The following MIEF1 variants were observed in gnomAD, a reference collection of about 807,000 sequenced individuals.
MIEF1 encodes the protein mitochondrial elongation factor 1, also known as mitochondrial dynamics protein MIEF1.
Under a neutral mutation model 35.1 loss-of-function variants are expected in MIEF1, and 14 were observed. The observed-to-expected ratio is 0.40, with a 90% confidence interval of 0.26 to 0.62. The LOEUF (loss-of-function observed/expected upper bound fraction) is 0.62. Ranked by LOEUF, MIEF1 falls within the 20% of genes least tolerant of loss-of-function variation. The probability of loss-of-function intolerance (pLI) is 0.43; values close to 1 mark genes in which losing one functional copy is unlikely to be tolerated. For synonymous variants in MIEF1, 245 were observed against 254.3 expected (o/e 0.96, Z 0.35); for missense variants, 542 against 615.4 (o/e 0.88, Z 1.26).
rs970056387 is a variant in MIEF1, at chr22:39,504,253, C to T, written c.-289C>T. On this transcript the variant is annotated 5_prime_UTR_variant, in exon 2 of 6. Transcript: ENST00000325301. ...CCCATGGCCCCGTGGAGCCGAGAGGCGGTGCTGAGTCTCTATCGGGCTCTG... is the reference window on the plus strand; with the variant it reads ...CCCATGGCCCCGTGGAGCCGAGAGGTGGTGCTGAGTCTCTATCGGGCTCTG... The T allele has an allele frequency of 2.0e-5, 8 of 399,114 alleles. No individual in the cohort carries two copies. In the East Asian group the frequency reaches 2.5e-4, roughly 12 times the overall value. 24.7% of individuals were successfully genotyped at this position (399,114 alleles called of 1,614,324 possible). A position where few individuals can be genotyped will look rare whatever the true frequency, so the allele number is the denominator to read the frequency against.
In MIEF1 at chr22:39,513,494, C is replaced by A. The variant is rs1215297008; in HGVS notation, c.586-23C>A. 2.5e-6 allele frequency: 4 copies of A among 1,608,834 alleles called. No individual in the cohort carries two copies. In the African/African-American group the frequency reaches 4.0e-5, roughly 16 times the overall value. ...TTTTGAACAGAGTAAACCCTCAAAA[C>A]CCTTTAAATTCTGCCCTGACAGGTG... On this transcript the variant is annotated intron_variant, in intron 5 of 5. Transcript: ENST00000325301.
At chr22:39,500,229 TGG>T (rs1929643101), upstream of MIEF1, 1 of 152,230 alleles carries the variant, frequency 6.6e-6, no homozygotes, top group Non-Finnish European at 1.5e-5. Context: ...CCCCCTGCCG[TGG>T]GTCTCTGGCC....
intron 2 of MIEF1, among the ~76,000 whole-genome samples, chr22:39,510,400 T>C (rs1316246171): frequency 6.6e-6 from 1 of 152,230 alleles, no homozygotes; most frequent in Non-Finnish European, 1.5e-5. Flanking sequence ...CCTAAGTAGA[T>C]AGGACTACAG....
intron 2 of MIEF1, among the ~76,000 whole-genome samples, chr22:39,508,532 T>C (rs1930167022): frequency 6.6e-6 from 1 of 152,256 alleles, no homozygotes; most frequent in Non-Finnish European, 1.5e-5. Context: ...TATAGTGTTC[T>C]GCTTTTCTCC....
intron 1 of MIEF1, chr22:39,503,070 A>C (rs1177133702): frequency 4.6e-5 from 7 of 152,188 alleles, no homozygotes; most frequent in Non-Finnish European, 8.8e-5. Flanking sequence ...TCCGTTACGC[A>C]TAATTTTGAG....
chr22:39,512,987 C>A (rs764962663), intron 5 of MIEF1, among the ~76,000 whole-genome samples: 7 of 152,166 alleles, frequency 4.6e-5, no homozygotes, highest in Non-Finnish European at 1.0e-4. Context: ...ATGTTTTAGT[C>A]CTACTTACAA....
chr22:39,513,954 G>A lies in MIEF1; in HGVS notation c.1023G>A (p.Leu341=), dbSNP rs746922698. Residue 341 remains leucine, a synonymous_variant, in exon 6 of 6, where the codon CTG becomes CTA. Transcript: ENST00000325301. ...ATGACAACCTGTGGCGGCTGAGCCT[G>A]CGTCCCGCGGAGACGGCACGCCTGC... ...AQYDNLWRLS[L]RPAETARLRA... is the part of the protein sequence containing the mutation. 1 of 1,613,086 alleles carries A rather than the reference G, an allele frequency of 6.2e-7. No homozygotes were observed. Among genetic ancestry groups the A allele is most frequent in the Non-Finnish European group, 8.5e-7 (1 of 1,180,036 alleles).
chr22:39,508,727 A>G (rs142024527), intron 2 of MIEF1, among the ~76,000 whole-genome samples: 1 of 152,208 alleles, frequency 6.6e-6, no homozygotes, highest in African/African-American at 2.4e-5. Context: ...ATAGTCTTTC[A>G]TGTCCCTAAA....
In MIEF1 at chr22:39,514,919, C is replaced by CA. The variant is rs1930578156; in HGVS notation, c.*596_*597insA. 2 of 300,046 alleles carry CA rather than the reference C, an allele frequency of 6.7e-6. No individual in the cohort carries two copies. The highest frequency in any genetic ancestry group is 5.4e-5 in the South Asian group (1 of 18,540). 18.6% of individuals were successfully genotyped at this position (300,046 alleles called of 1,614,324 possible). A position where few individuals can be genotyped will look rare whatever the true frequency, so the allele number is the denominator to read the frequency against. ...TGACCACGGTTCCTGGAGTAGAAGT[C>CA]CATCCTCCCCCCAACCTCCTGACCC... is the stretch of plus-strand genomic sequence containing the variant. On this transcript the variant is annotated 3_prime_UTR_variant, in exon 6 of 6. Transcript: ENST00000325301.
intron 2 of MIEF1, among the ~76,000 whole-genome samples, chr22:39,510,225 TG>T (rs1214471612): frequency 1.3e-5 from 2 of 152,188 alleles, no homozygotes; most frequent in Non-Finnish European, 2.9e-5. Context: ...CCCAAAGTGC[TG>T]GGATTACAGG....
At chr22:39,511,745 TA>T in intron 3 of MIEF1, 103 bp from the exon 4 acceptor site, 1 of 1,418,008 alleles carries the variant, frequency 7.1e-7, no homozygotes, top group Non-Finnish European at 9.5e-7. Context: ...AAAACAAAAT[TA>T]CTAAAAGAAC....
At chr22:39,502,175 A>T (rs1929741545), upstream of MIEF1, 1 of 151,408 alleles carries the variant, frequency 6.6e-6, no homozygotes, top group South Asian at 2.1e-4. Flanking sequence ...TCTGCAGGCC[A>T]GTCCCTTGGT....
chr22:39,500,751 G>A (rs1929661867), upstream of MIEF1, among the ~76,000 whole-genome samples: 1 of 151,764 alleles, frequency 6.6e-6, no homozygotes. Context: ...CTGGAGTACA[G>A]TAGCGTGATC....
In MIEF1 at chr22:39,504,538, C is replaced by T. The variant is rs934978721; in HGVS notation, c.-8+4C>T. On this transcript the variant is annotated splice_donor_region_variant and intron_variant, in intron 2 of 5. Transcript: ENST00000325301. ...CAGATGTATTAAGAAGCCTCAGGTA[C>T]GTAGGCCCTCGTTCCTGTAGGTTTC... 2.3e-5 allele frequency: 9 copies of T among 397,854 alleles called. No homozygotes were observed. The highest frequency in any genetic ancestry group is 3.6e-5 in the East Asian group (1 of 28,078). 24.6% of individuals were successfully genotyped at this position (397,854 alleles called of 1,614,324 possible). A position where few individuals can be genotyped will look rare whatever the true frequency, so the allele number is the denominator to read the frequency against.
rs75689596 is a variant in MIEF1, at chr22:39,515,450, G to C, written c.*1127G>C. 5,067 of 670,682 alleles carry C rather than the reference G, an allele frequency of 7.6e-3. 203 individuals carry two copies. In the African/African-American group the frequency reaches 0.083, roughly 11 times the overall value. The allele number at this position is 670,682 out of a possible 1,614,324, so 41.5% of individuals were successfully genotyped here. On this transcript the variant is annotated 3_prime_UTR_variant, in exon 6 of 6. Transcript: ENST00000325301. ...GCGTCTGCCATAGGAATGTGAGAGGGGTGTTTGCTGAGCGCTCCGGGCACG... is the reference window on the plus strand; with the variant it reads ...GCGTCTGCCATAGGAATGTGAGAGGCGTGTTTGCTGAGCGCTCCGGGCACG...
rs959173771 is a variant in MIEF1 at position 39,511,285 on chromosome 22, C to T, written c.-7-3C>T. On this transcript the variant is annotated splice_region_variant and splice_polypyrimidine_tract_variant and intron_variant, in intron 2 of 5. Coordinates refer to ENST00000325301, the MANE Select transcript of MIEF1 (RefSeq NM_019008.6). ...TATGGCCGTGTTCTGTCTTCATTCT[C>T]AGATGAGCAATGGCAGGCGCTGGTG... 4 of 1,613,452 alleles carry T rather than the reference C, an allele frequency of 2.5e-6. No individual in the cohort carries two copies. The highest frequency in any genetic ancestry group is 3.3e-5 in the Admixed American group (2 of 59,840).
chr22:39,501,501 A>G (rs1378395276), upstream of MIEF1, among the ~76,000 whole-genome samples: 1 of 152,194 alleles, frequency 6.6e-6, no homozygotes, highest in African/African-American at 2.4e-5. Flanking sequence ...CCGGACTCCA[A>G]AGCCCCAGGC....
chr22:39,515,576 A>G lies in MIEF1; in HGVS notation c.*1253A>G. On this transcript the variant is annotated 3_prime_UTR_variant, in exon 6 of 6. Coordinates refer to ENST00000325301, the MANE Select transcript of MIEF1 (RefSeq NM_019008.6). ...CTACCAAGGAAGAGAGCACACAGAT[A>G]AGACAGAGGGGAGGAGGTGGGCATT... 1 of 539,798 alleles carries G rather than the reference A, an allele frequency of 1.9e-6. No individual in the cohort carries two copies. The highest frequency in any genetic ancestry group is 3.3e-6 in the Non-Finnish European group (1 of 305,066). The allele number at this position is 539,798 out of a possible 1,614,324, so 33.4% of individuals were successfully genotyped here. A position where few individuals can be genotyped will look rare whatever the true frequency, so the allele number is the denominator to read the frequency against.
rs1930600159 is a variant in MIEF1, at chr22:39,515,314, C to T, written c.*991C>T. 1.4e-6 allele frequency: 1 copy of T among 717,520 alleles called. No homozygotes were observed. Among genetic ancestry groups the T allele is most frequent in the South Asian group, 1.5e-5 (1 of 67,610 alleles). 44.4% of individuals were successfully genotyped at this position (717,520 alleles called of 1,614,324 possible). A position where few individuals can be genotyped will look rare whatever the true frequency, so the allele number is the denominator to read the frequency against. Reference sequence around the variant, plus strand: ...TCGACTGAATGTCAGCTGGAAAATCCAGTCACTAGTTGGGGTTTGGTGGCC... The same window carrying T: ...TCGACTGAATGTCAGCTGGAAAATCTAGTCACTAGTTGGGGTTTGGTGGCC... On this transcript the variant is annotated 3_prime_UTR_variant, in exon 6 of 6. Transcript: ENST00000325301.
Sources: gnomAD v4.1 joint callset for allele counts (sites outside exome capture counted in the v4.1 genomes callset) on GRCh38, gnomAD v4.1.1 for gene constraint, MANE v1.5 for transcripts, NCBI Gene and HGNC (gene_info 2026-07-23, HGNC 2026-07-21) for gene names.